Variants in SLFN12L observed in about 807,000 individuals in gnomAD.
SLFN12L encodes schlafen family member 12-like.
In SLFN12L, 34 loss-of-function variants were observed where a neutral mutation model predicts 34.8. That is an observed-to-expected ratio of 0.98 (90% CI 0.74 to 1.30). The LOEUF (loss-of-function observed/expected upper bound fraction) is 1.30, where lower values mean the gene tolerates loss of function less well. SLFN12L is among the 50% of genes most tolerant of loss of function. SLFN12L has a pLI of 0.00. For synonymous variants in SLFN12L, 259 were observed against 247.5 expected (o/e 1.05, Z -0.44); for missense variants, 703 against 696.2 (o/e 1.01, Z -0.11).
chr17:35,496,060 G>C (rs112803554), intron 2 of SLFN12L, among the ~76,000 whole-genome samples: 1,632 of 152,068 alleles, frequency 0.011, 13 homozygotes, highest in Non-Finnish European at 0.017. Context: ...GCTCAGTGAG[G>C]TCGTCCCCAC....
At chr17:35,505,309 C>G (rs55752441) in intron 2 of SLFN12L, among the ~76,000 whole-genome samples, 2,666 of 152,204 alleles carry the variant, frequency 0.018, 89 homozygotes, top group African/African-American at 0.061. Flanking sequence ...GAGTTTTGAC[C>G]CAGACTGTGG....
At chr17:35,495,900 AACACACACACACACACACACACAC>A (rs58553128) in intron 2 of SLFN12L, among the ~76,000 whole-genome samples, 3 of 137,978 alleles carry the variant, frequency 2.2e-5, no homozygotes, top group Admixed American at 1.5e-4. Context: ...GCCGATTTGA[AACACACACACACACACACACACAC>A]ACACACACAC....
In SLFN12L at chr17:35,479,156, C is replaced by G; in HGVS notation, c.1126G>C (p.Glu376Gln). Residue 376 changes from glutamate to glutamine, a missense_variant, in exon 3 of 5, where the codon GAG becomes CAG. Glu to Gln is a conservative substitution (Grantham distance 29, BLOSUM62 2). Coordinates refer to ENST00000628453, the MANE Select transcript of SLFN12L (RefSeq NM_001363830.2). ...ACCATGAACTGGATCCATTCCTTCT[C>G]GGTCAACTGCTTAACTCTGTTATCT... ...VKDNRVKQLT[E>Q]KEWIQFMVDS... 6.4e-7 allele frequency: 1 copy of G among 1,571,598 alleles called. No homozygotes were observed. Among genetic ancestry groups the G allele is most frequent in the South Asian group, 1.2e-5 (1 of 85,534 alleles).
intron 1 of SLFN12L, among the ~76,000 whole-genome samples, chr17:35,537,052 G>T (rs1053823436): frequency 2.6e-5 from 4 of 151,978 alleles, no homozygotes; most frequent in African/African-American, 7.3e-5. Flanking sequence ...CACGCTCAGT[G>T]CCTGTAGTCC....
At position 35,530,439 on chromosome 17, in the gene SLFN12L, GGGAAGAAAGAAAGAAA is replaced by G. The variant is rs1423690652; in HGVS notation, c.-606+7118_-606+7133del. 3.2e-3 allele frequency among the ~76,000 whole-genome samples: 35 copies of G among 10,986 alleles called. 5 individuals carry two copies. Among genetic ancestry groups the G allele is most frequent in the South Asian group, 4.7e-3 (1 of 212 alleles). 7.2% of individuals were successfully genotyped at this position (10,986 alleles called of 152,430 possible). On this transcript the variant is annotated intron_variant, in intron 1 of 4. Coordinates refer to ENST00000628453, the MANE Select transcript of SLFN12L (RefSeq NM_001363830.2). ...GAAGGAAGGAAGGAAGGGAAGGGAA[GGGAAGAAAGAAAGAAA>G]GAAAGAAAGAAAGAAAGAAAGAAAG...
chr17:35,531,677 C>T (rs1003952136), intron 1 of SLFN12L, among the ~76,000 whole-genome samples: 11 of 152,010 alleles, frequency 7.2e-5, no homozygotes, highest in African/African-American at 2.7e-4. Flanking sequence ...AGTGCAGTGG[C>T]GCGATCTCGG....
intron 2 of SLFN12L, chr17:35,510,264 G>C (rs1915595957): frequency 6.6e-6 from 1 of 152,156 alleles, no homozygotes; most frequent in African/African-American, 2.4e-5. Flanking sequence ...ATAAATCCAA[G>C]AGAATTGAAA....
intron 1 of SLFN12L, among the ~76,000 whole-genome samples, chr17:35,532,730 T>C (rs1249744486): frequency 6.6e-6 from 1 of 151,822 alleles, no homozygotes; most frequent in Non-Finnish European, 1.5e-5. Context: ...TCACCCCTAC[T>C]GAAAATACAA....
At chr17:35,500,251 G>A (rs1332112932) in intron 2 of SLFN12L, 1 of 152,142 alleles carries the variant, frequency 6.6e-6, no homozygotes, top group Non-Finnish European at 1.5e-5. Context: ...GATGAGTAAA[G>A]AGTCTGATTC....
intron 2 of SLFN12L, chr17:35,490,415 A>T (rs1914789995): frequency 8.1e-7 from 1 of 1,233,890 alleles, no homozygotes; most frequent in African/African-American, 1.5e-5. Context: ...CAGTCACCCG[A>T]TGGGGTCTTG....
intron 2 of SLFN12L, among the ~76,000 whole-genome samples, chr17:35,488,630 C>A (rs1269868752): frequency 6.6e-6 from 1 of 152,180 alleles, no homozygotes; most frequent in Non-Finnish European, 1.5e-5. Flanking sequence ...GACTCACTAA[C>A]TGAGGAGTTC....
At chr17:35,502,901 C>T (rs191155702) in intron 2 of SLFN12L, among the ~76,000 whole-genome samples, 203 of 152,012 alleles carry the variant, frequency 1.3e-3, no homozygotes, top group Non-Finnish European at 2.5e-3. Flanking sequence ...AATAAATTAA[C>T]CGGTTGTTTA....
chr17:35,479,204 T>A lies in SLFN12L; in HGVS notation c.1078A>T (p.Lys360Ter), dbSNP rs772211752. Residue 360 changes from lysine (K) to a stop codon, truncating the protein, a stop_gained, in exon 3 of 5, where the codon AAG becomes TAG. Coordinates refer to ENST00000628453, the MANE Select transcript of SLFN12L (RefSeq NM_001363830.2). LOFTEE classifies it high-confidence loss of function. ...ERFCCAVFAK[K>*]PDSWHVKDNR... Reference sequence around the variant, plus strand: ...TCTTTCACGTGCCAGGAATCAGGCTTTTTAGCAAACACTGCACAGCAGAAG... The same window carrying A: ...TCTTTCACGTGCCAGGAATCAGGCTATTTAGCAAACACTGCACAGCAGAAG... 6.3e-7 allele frequency: 1 copy of A among 1,583,844 alleles called. No individual in the cohort carries two copies.
intron 2 of SLFN12L, chr17:35,490,114 G>C: frequency 6.2e-7 from 1 of 1,606,228 alleles, no homozygotes; most frequent in East Asian, 2.2e-5. Flanking sequence ...GCGCGGAGCA[G>C]ACCGCCGGCA....
intron 2 of SLFN12L, among the ~76,000 whole-genome samples, chr17:35,520,761 G>T (rs1366428063): frequency 6.6e-6 from 1 of 151,778 alleles, no homozygotes; most frequent in Non-Finnish European, 1.5e-5. Context: ...AAAAAAAGTT[G>T]TCTCTACTAA....
At chr17:35,478,376 T>C (rs974171910) in intron 3 of SLFN12L, 191 bp from the exon 4 acceptor site, 2 of 427,198 alleles carry the variant, frequency 4.7e-6, no homozygotes, top group South Asian at 6.2e-5. Context: ...AAATTAACTC[T>C]TGATGCTGCT....
chr17:35,472,629 T>C lies in SLFN12L; in HGVS notation c.*2294A>G, dbSNP rs960324779. On this transcript the variant is annotated 3_prime_UTR_variant, in exon 5 of 5. Transcript: ENST00000628453. ...TTAGCTATACAAGGTCTTCTTTGATTCCATATGAAATTTAATTTCATTTAA... is the reference window on the plus strand; with the variant it reads ...TTAGCTATACAAGGTCTTCTTTGATCCCATATGAAATTTAATTTCATTTAA... Among the ~76,000 whole-genome samples, 4 of 152,230 alleles carry C rather than the reference T, an allele frequency of 2.6e-5. No individual in the cohort carries two copies. Among genetic ancestry groups the C allele is most frequent in the Admixed American group, 2.6e-4 (4 of 15,276 alleles).
Position 35,522,688 on chromosome 17 carries a change from G to T in SLFN12L, c.-324C>A. The stretch of plus-strand genomic sequence containing the variant: ...CTTGGCCCTGACACACACCTCCCCA[G>T]TGTAGCCCCCCATGTTCACCAGCTT... On this transcript the variant is annotated 5_prime_UTR_variant, in exon 2 of 5. In the 5' UTR this introduces an upstream ATG that the reference lacks. Coordinates refer to ENST00000628453, the MANE Select transcript of SLFN12L (RefSeq NM_001363830.2). The T allele has an allele frequency of 6.2e-7, 1 of 1,614,140 alleles. No individual in the cohort carries two copies. Among genetic ancestry groups the T allele is most frequent in the South Asian group, 1.1e-5 (1 of 91,074 alleles).
chr17:35,524,213 G>C (rs1420933812), intron 1 of SLFN12L, among the ~76,000 whole-genome samples: 1 of 152,200 alleles, frequency 6.6e-6, no homozygotes, highest in Non-Finnish European at 1.5e-5. Context: ...AGATTTTAGA[G>C]ATGTTAAGAA....
Sources: allele counts gnomAD v4.1 joint callset (sites outside exome capture counted in the v4.1 genomes callset), GRCh38; gene constraint gnomAD v4.1.1; transcripts MANE v1.5; gene names NCBI Gene and HGNC (gene_info 2026-07-23, HGNC 2026-07-21).